TMEM184B: variants seen among roughly 807,000 people sequenced by gnomAD.
The protein encoded by TMEM184B is transmembrane protein 184B.
Under a neutral mutation model 41.8 loss-of-function variants are expected in TMEM184B, and 17 were observed. That is an observed-to-expected ratio of 0.41 (90% CI 0.28 to 0.61). The LOEUF is 0.61. Among genes scored for constraint, TMEM184B ranks in the 20% least tolerant of loss-of-function variants. The pLI is 0.34. For missense variants in TMEM184B, 393 were observed against 557.8 expected, an observed-to-expected ratio of 0.70 and a Z score of 2.98; for synonymous variants, 240 against 229.5, an observed-to-expected ratio of 1.05 and a Z score of -0.41.
Position 38,272,766 on chromosome 22 carries a change from G to C in TMEM184B, c.-59+118C>G, listed in dbSNP as rs934514699. ...TCCGTAGTGCCCTCCCCGCCCGGGA[G>C]CCGGCGGCCGAAGCCGGGCGTCCCT... is the stretch of plus-strand genomic sequence containing the variant. On this transcript the variant is annotated intron_variant, in intron 1 of 8. Coordinates refer to ENST00000361906, the MANE Select transcript of TMEM184B (RefSeq NM_012264.5). 2.9e-5 allele frequency: 29 copies of C among 985,174 alleles called. No homozygotes were observed. In the African/African-American group the frequency reaches 5.1e-4, roughly 17 times the overall value. 61.0% of individuals were successfully genotyped at this position (985,174 alleles called of 1,614,324 possible).
rs2091224948 is a variant in TMEM184B, at chr22:38,220,384, C to T, written c.*1085G>A. ...GGGGCGCTTTCATATGTGACTAAGG[C>T]ACAGAAGAGATGGGCCAGGGGCCAG... On this transcript the variant is annotated 3_prime_UTR_variant, in exon 9 of 9. Coordinates refer to ENST00000361906, the MANE Select transcript of TMEM184B (RefSeq NM_012264.5). The T allele has an allele frequency of 6.1e-6, 6 of 985,932 alleles. No homozygotes were observed. Among genetic ancestry groups the T allele is most frequent in the African/African-American group, 1.7e-5 (1 of 57,218 alleles). 61.1% of individuals were successfully genotyped at this position (985,932 alleles called of 1,614,324 possible).
intron 3 of TMEM184B, among the ~76,000 whole-genome samples, chr22:38,244,121 T>A (rs1272115552): frequency 6.6e-6 from 1 of 152,122 alleles, no homozygotes; most frequent in South Asian, 2.1e-4. Context: ...TGGGGTGCAA[T>A]GGGCTCCTGT....
intron 1 of TMEM184B, among the ~76,000 whole-genome samples, chr22:38,259,062 C>T (rs2092328741): frequency 6.6e-6 from 1 of 152,194 alleles, no homozygotes. Context: ...CCCTCCTCTT[C>T]CAGGAAAGAC....
chr22:38,247,100 C>T (rs1250512547), intron 2 of TMEM184B, among the ~76,000 whole-genome samples: 1 of 152,212 alleles, frequency 6.6e-6, no homozygotes, highest in Non-Finnish European at 1.5e-5. Flanking sequence ...TCTGGGGCCA[C>T]AAGTACAGGC....
At chr22:38,228,159 C>T (rs761395149) in intron 5 of TMEM184B, among the ~76,000 whole-genome samples, 4 of 152,186 alleles carry the variant, frequency 2.6e-5, no homozygotes, top group Admixed American at 6.5e-5. Flanking sequence ...ATGGGGCAGA[C>T]GTGCAGTCCC....
At chr22:38,270,816 C>G (rs921577733) in intron 1 of TMEM184B, among the ~76,000 whole-genome samples, 29 of 152,208 alleles carry the variant, frequency 1.9e-4, no homozygotes, top group Admixed American at 1.6e-3. Flanking sequence ...ATGAGCACAG[C>G]AGGGACTGGA....
intron 1 of TMEM184B, among the ~76,000 whole-genome samples, chr22:38,250,362 C>G (rs1393430421): frequency 6.6e-6 from 1 of 152,242 alleles, no homozygotes; most frequent in African/African-American, 2.4e-5. Flanking sequence ...TATACATGAT[C>G]TCTTAACACA....
chr22:38,268,906 A>G (rs1485781822), intron 1 of TMEM184B, among the ~76,000 whole-genome samples: 2 of 152,252 alleles, frequency 1.3e-5, no homozygotes, highest in African/African-American at 4.8e-5. Flanking sequence ...CTTCTCAAAT[A>G]AATGAATGGG....
intron 3 of TMEM184B, among the ~76,000 whole-genome samples, chr22:38,233,560 A>T (rs1213371071): frequency 6.6e-6 from 1 of 152,194 alleles, no homozygotes; most frequent in Non-Finnish European, 1.5e-5. Flanking sequence ...ATGTCTCAGG[A>T]CAGACAAGTC....
intron 3 of TMEM184B, among the ~76,000 whole-genome samples, chr22:38,241,524 C>CAA (rs35419850): frequency 1.0e-4 from 9 of 88,794 alleles, no homozygotes; most frequent in African/African-American, 1.7e-4. Flanking sequence ...CTCATCTCTA[C>CAA]AAAAAAAAAA....
At position 38,243,325 on chromosome 22, in the gene TMEM184B, G is replaced by A. The variant is rs77633329; in HGVS notation, c.358+2610C>T. Among the ~76,000 whole-genome samples the A allele has an allele frequency of 1.3e-3, 199 of 152,282 alleles. 8 individuals are homozygous for A. The East Asian group carries it at 0.032, about 24-fold the overall frequency. On this transcript the variant is annotated intron_variant, in intron 3 of 8. Transcript: ENST00000361906. Reference sequence around the variant, plus strand: ...CTGGGGCACGGAGTGAGAGTGAAGCGGAGGCTCCCCTGGCTGTGTGCCCCG... The same window carrying A: ...CTGGGGCACGGAGTGAGAGTGAAGCAGAGGCTCCCCTGGCTGTGTGCCCCG...
intron 3 of TMEM184B, chr22:38,231,690 G>C: frequency 2.3e-6 from 1 of 434,122 alleles, no homozygotes; most frequent in Non-Finnish European, 4.3e-6. Flanking sequence ...GTCGACCCTG[G>C]GGCGAAACAG....
intron 1 of TMEM184B, among the ~76,000 whole-genome samples, chr22:38,255,441 G>A (rs1244517778): frequency 6.6e-6 from 1 of 152,212 alleles, no homozygotes; most frequent in Non-Finnish European, 1.5e-5. Context: ...CAGAGTGCTG[G>A]GATTACAGGC....
intron 1 of TMEM184B, among the ~76,000 whole-genome samples, chr22:38,263,687 C>T (rs977622178): frequency 3.3e-5 from 5 of 152,148 alleles, no homozygotes; most frequent in African/African-American, 7.2e-5. Flanking sequence ...GCAGAGCTGC[C>T]GGTGAAAGTA....
chr22:38,253,998 C>CA (rs2092226305), intron 1 of TMEM184B, among the ~76,000 whole-genome samples: 2 of 151,992 alleles, frequency 1.3e-5, no homozygotes, highest in Non-Finnish European at 1.5e-5. Flanking sequence ...GTCAGGAGTT[C>CA]GAGATCAGCC....
At chr22:38,231,126 C>T in intron 4 of TMEM184B, 118 bp downstream of exon 4, 3 of 889,102 alleles carry the variant, frequency 3.4e-6, no homozygotes, top group Non-Finnish European at 5.7e-6. Context: ...TGGTGAGGCA[C>T]AGCAGGTCAA....
chr22:38,254,075 C>T (rs1337378904), intron 1 of TMEM184B, among the ~76,000 whole-genome samples: 1 of 151,788 alleles, frequency 6.6e-6, no homozygotes, highest in African/African-American at 2.4e-5. Flanking sequence ...GTGGCTGGCG[C>T]CTGTAATCCC....
intron 3 of TMEM184B, among the ~76,000 whole-genome samples, chr22:38,235,707 C>T (rs895864555): frequency 6.6e-6 from 1 of 152,234 alleles, no homozygotes; most frequent in African/African-American, 2.4e-5. Flanking sequence ...CAACTGGACA[C>T]ATCAGTCTCC....
At position 38,225,571 on chromosome 22, in the gene TMEM184B, C is replaced by T. The variant is rs760653636; in HGVS notation, c.640G>A (p.Val214Met). ...ACGGAGATGTTGTAGATGATGGTCA[C>T]GTAGAGGTAGCCACTGGTGACGCTG... is the stretch of plus-strand genomic sequence containing the variant. ...DFDVTSGYLYVTIIYNISVSL... is the reference protein window; with the variant it reads ...DFDVTSGYLYMTIIYNISVSL... The change falls in exon 7 of 9, where the codon GTG (valine) becomes ATG (methionine). Residue 214 changes from valine to methionine, a missense_variant. This residue lies in a region of TMEM184B where 271 missense variants were observed against 434.1 expected (regional missense o/e 0.62). Transcript: ENST00000361906. This position sits in a 1 kb window ranked among gnomAD's most constrained non-coding sequence, Gnocchi z 4.4. 2.9e-5 allele frequency: 47 copies of T among 1,605,746 alleles called. No homozygotes were observed. The highest frequency in any genetic ancestry group is 3.9e-5 in the Non-Finnish European group (46 of 1,176,878).
Sources: allele counts gnomAD v4.1 joint callset (sites outside exome capture counted in the v4.1 genomes callset), GRCh38; gene constraint gnomAD v4.1.1; regional missense constraint gnomAD v4.1.1; non-coding constraint Gnocchi (gnomAD v3.1); transcripts MANE v1.5; gene names NCBI Gene and HGNC (gene_info 2026-07-23, HGNC 2026-07-21).